The following NKAIN2 variants were observed in gnomAD, a reference collection of about 807,000 sequenced individuals.
NKAIN2 encodes the protein sodium/potassium transporting ATPase interacting 2, also known as sodium/potassium-transporting ATPase subunit beta-1-interacting protein 2.
Under a neutral mutation model 32.6 loss-of-function variants are expected in NKAIN2, and 14 were observed. That is an observed-to-expected ratio of 0.43 (90% confidence interval 0.28 to 0.67). The LOEUF (loss-of-function observed/expected upper bound fraction) is 0.67, where lower values mean the gene tolerates loss of function less well. NKAIN2 is among the 30% of genes least tolerant of loss of function. The pLI, the probability that NKAIN2 is intolerant of heterozygous loss-of-function variation, is 0.17. For synonymous variants in NKAIN2, 80 were observed against 87.2 expected (o/e 0.92, Z 0.46); for missense variants, 198 against 258.3 (o/e 0.77, Z 1.60).
intron 1 of NKAIN2, among the ~76,000 whole-genome samples, chr6:124,136,738 A>G (rs1179517424): frequency 6.6e-6 from 1 of 152,188 alleles, no homozygotes; most frequent in Admixed American, 6.5e-5. Context: ...TCACATAAAC[A>G]GAATTAAAAA....
At chr6:124,036,502 GA>G (rs1335632173) in intron 1 of NKAIN2, among the ~76,000 whole-genome samples, 13 of 152,032 alleles carry the variant, frequency 8.6e-5, no homozygotes, top group African/African-American at 3.1e-4. Context: ...AGCCTAAGGG[GA>G]TAGTATCTTT....
intron 4 of NKAIN2, among the ~76,000 whole-genome samples, chr6:124,705,212 T>C (rs1278870552): frequency 1.3e-5 from 2 of 152,210 alleles, no homozygotes; most frequent in South Asian, 4.1e-4. Flanking sequence ...TATAAGCTCT[T>C]AATGAAAAGG....
intron 1 of NKAIN2, among the ~76,000 whole-genome samples, chr6:124,156,456 G>A (rs1346637047): frequency 6.6e-6 from 1 of 152,132 alleles, no homozygotes; most frequent in Non-Finnish European, 1.5e-5. Flanking sequence ...AGCAGGAGGA[G>A]TCAGTCATAT....
chr6:124,727,297 A>C (rs866398777), intron 4 of NKAIN2, among the ~76,000 whole-genome samples: 48 of 152,182 alleles, frequency 3.2e-4, no homozygotes, highest in African/African-American at 5.1e-4. Context: ...ATGTTAACGG[A>C]AGCCAGAGAG....
chr6:123,822,915 T>C (rs930709696), intron 1 of NKAIN2, among the ~76,000 whole-genome samples: 2 of 152,294 alleles, frequency 1.3e-5, no homozygotes, highest in African/African-American at 4.8e-5. Context: ...ATAAATGATA[T>C]TTTTTGACAT....
At chr6:124,815,335 A>G (rs910955362) in intron 5 of NKAIN2, among the ~76,000 whole-genome samples, 1 of 149,016 alleles carries the variant, frequency 6.7e-6, no homozygotes, top group Non-Finnish European at 1.5e-5. Context: ...GTGCAATGGC[A>G]TGATCTCTGC....
chr6:124,204,498 A>G (rs17637132), intron 1 of NKAIN2, among the ~76,000 whole-genome samples: 4,927 of 151,864 alleles, frequency 0.032, 136 homozygotes, highest in Non-Finnish European at 0.049. Flanking sequence ...CAGAGAGATT[A>G]TTGCTTCTTT....
At chr6:124,791,977 AGT>A (rs1482149640) in intron 5 of NKAIN2, among the ~76,000 whole-genome samples, 1 of 152,086 alleles carries the variant, frequency 6.6e-6, no homozygotes, top group African/African-American at 2.4e-5. Context: ...CTTGATCCAG[AGT>A]TTAGATCACA....
At chr6:124,176,574 G>A (rs1789168352) in intron 1 of NKAIN2, among the ~76,000 whole-genome samples, 1 of 152,018 alleles carries the variant, frequency 6.6e-6, no homozygotes, top group South Asian at 2.1e-4. Context: ...AACATGTAAT[G>A]TTTATAAACA....
At chr6:124,695,941 T>G (rs1348779453) in intron 4 of NKAIN2, among the ~76,000 whole-genome samples, 2 of 152,212 alleles carry the variant, frequency 1.3e-5, no homozygotes, top group East Asian at 3.9e-4. Flanking sequence ...GACCCAAAGA[T>G]GCAGGGGAAA....
chr6:124,322,027 C>T (rs192826624), intron 2 of NKAIN2, among the ~76,000 whole-genome samples: 2 of 152,168 alleles, frequency 1.3e-5, no homozygotes, highest in East Asian at 3.9e-4. Flanking sequence ...CTGCAATACT[C>T]GAAACATAGC....
chr6:124,602,600 A>G (rs1312044656), intron 3 of NKAIN2, among the ~76,000 whole-genome samples: 1 of 151,946 alleles, frequency 6.6e-6, no homozygotes, highest in Non-Finnish European at 1.5e-5. Context: ...AAGAAACGAA[A>G]AAGCTAAGGA....
At chr6:124,804,972 G>C (rs1434869000) in intron 5 of NKAIN2, among the ~76,000 whole-genome samples, 10 of 152,210 alleles carry the variant, frequency 6.6e-5, no homozygotes, top group Admixed American at 2.6e-4. Context: ...GGCTTGCTTA[G>C]GTAAACAAAG....
chr6:124,649,334 T>A (rs1784284957), intron 3 of NKAIN2, among the ~76,000 whole-genome samples: 1 of 152,198 alleles, frequency 6.6e-6, no homozygotes, highest in South Asian at 2.1e-4. Flanking sequence ...AATGGTATAT[T>A]GTTAACAATT....
At chr6:123,838,789 C>G (rs1433294570) in intron 1 of NKAIN2, among the ~76,000 whole-genome samples, 2 of 152,244 alleles carry the variant, frequency 1.3e-5, no homozygotes, top group African/African-American at 4.8e-5. Context: ...TTTAAACGTG[C>G]ATTTGAAATC....
intron 3 of NKAIN2, among the ~76,000 whole-genome samples, chr6:124,574,324 A>G (rs866730635): frequency 3.7e-4 from 56 of 152,228 alleles, no homozygotes; most frequent in Middle Eastern, 3.4e-3. Context: ...AAAAAAAAAA[A>G]AATACCAGTG....
intron 4 of NKAIN2, among the ~76,000 whole-genome samples, chr6:124,690,297 A>T (rs1295466926): frequency 6.6e-6 from 1 of 152,084 alleles, no homozygotes; most frequent in Admixed American, 6.6e-5. Flanking sequence ...TATTAATCTT[A>T]TATCCTGCAA....
At chr6:124,337,321 A>T (rs962497086) in intron 2 of NKAIN2, among the ~76,000 whole-genome samples, 1 of 152,052 alleles carries the variant, frequency 6.6e-6, no homozygotes, top group Non-Finnish European at 1.5e-5. Context: ...AGATGGCAAG[A>T]CCCTGTCTCT....
intron 4 of NKAIN2, among the ~76,000 whole-genome samples, chr6:124,715,484 C>T (rs1012620661): frequency 1.3e-5 from 2 of 152,212 alleles, no homozygotes; most frequent in Non-Finnish European, 1.5e-5. Flanking sequence ...CCCTGAGCCA[C>T]TCTTCCCTGA....
Sources: allele counts gnomAD v4.1 joint callset (sites outside exome capture counted in the v4.1 genomes callset), GRCh38; gene constraint gnomAD v4.1.1; transcripts MANE v1.5; gene names NCBI Gene and HGNC (gene_info 2026-07-23, HGNC 2026-07-21).